RBPJ: variants seen among roughly 807,000 people sequenced by gnomAD.
RBPJ encodes recombining binding protein suppressor of hairless.
RBPJ carries 9 observed loss-of-function variants against 67.8 expected under a neutral mutation model. The ratio of observed to expected loss-of-function variants is 0.13; its 90% CI spans 0.08 to 0.23. RBPJ has a LOEUF of 0.23. RBPJ is among the 10% of genes least tolerant of loss of function. The pLI is 1.00. For missense variants in RBPJ, 305 were observed against 595.6 expected, an observed-to-expected ratio of 0.51 and a Z score of 5.08; for synonymous variants, 198 against 203.3, an observed-to-expected ratio of 0.97 and a Z score of 0.22.
chr4:26,253,701 G>A (rs1396694327), intron 1 of RBPJ, among the ~76,000 whole-genome samples: 1 of 148,770 alleles, frequency 6.7e-6, no homozygotes, highest in Non-Finnish European at 1.5e-5. Context: ...TCATTGAAAT[G>A]TCAATATCTA....
intron 1 of RBPJ, among the ~76,000 whole-genome samples, chr4:26,339,887 C>T (rs900655153): frequency 2.0e-5 from 3 of 151,836 alleles, no homozygotes; most frequent in Non-Finnish European, 4.4e-5. Context: ...GGCATGATGG[C>T]GGTTGCCTGT....
At chr4:26,159,667 G>A (rs906402870), upstream of RBPJ, among the ~76,000 whole-genome samples, 2 of 152,174 alleles carry the variant, frequency 1.3e-5, no homozygotes, top group African/African-American at 4.8e-5. Context: ...ATTTCCAAGA[G>A]GAAGATATAG....
At chr4:26,163,419 T>G (rs1198644948), upstream of RBPJ, 3 of 152,120 alleles carry the variant, frequency 2.0e-5, no homozygotes, top group Non-Finnish European at 4.4e-5. Context: ...TCTGCATTTT[T>G]TCCCTTAGAG....
chr4:26,226,308 G>GA (rs1185428295), intron 1 of RBPJ, among the ~76,000 whole-genome samples: 2 of 151,706 alleles, frequency 1.3e-5, no homozygotes, highest in East Asian at 3.9e-4. Flanking sequence ...CTACAAAAAA[G>GA]AAAAAAAATT....
chr4:26,286,824 C>T (rs1223890755), intron 1 of RBPJ, among the ~76,000 whole-genome samples: 1 of 148,308 alleles, frequency 6.7e-6, no homozygotes, highest in Non-Finnish European at 1.5e-5. Flanking sequence ...CTCCCTCCGT[C>T]ACCCAGGCTG....
At position 26,175,364 on chromosome 4, in the gene RBPJ, G is replaced by T. The variant is rs1478930747; in HGVS notation, c.-167+11750G>T. Among the ~76,000 whole-genome samples, 3 of 151,886 alleles carry T rather than the reference G, an allele frequency of 2.0e-5. No individual in the cohort carries two copies. In the East Asian group the frequency reaches 5.8e-4, roughly 29 times the overall value. ...CTGCCCACCTCCACCCTACAAGCTGGGGGAGCTTGAGCTGGGGGGGGGATT... is the reference window on the plus strand; with the variant it reads ...CTGCCCACCTCCACCCTACAAGCTGTGGGAGCTTGAGCTGGGGGGGGGATT... On this transcript the variant is annotated intron_variant, in intron 1 of 4. Coordinates refer to the RBPJ transcript ENST00000512351.
At chr4:26,215,915 G>A (rs1718709796) in intron 1 of RBPJ, among the ~76,000 whole-genome samples, 1 of 152,182 alleles carries the variant, frequency 6.6e-6, no homozygotes, top group African/African-American at 2.4e-5. Context: ...TAGGGCTGAT[G>A]TAACAAATTA....
chr4:26,368,486 G>C (rs1208306589), intron 1 of RBPJ, among the ~76,000 whole-genome samples: 1 of 152,040 alleles, frequency 6.6e-6, no homozygotes, highest in Non-Finnish European at 1.5e-5. Context: ...GTTTTGTGTT[G>C]TCTCTCTGTG....
At chr4:26,386,559 A>G (rs897680569) in intron 2 of RBPJ, among the ~76,000 whole-genome samples, 168 bp downstream of exon 2, 10 of 152,120 alleles carry the variant, frequency 6.6e-5, no homozygotes, top group Admixed American at 2.0e-4. Flanking sequence ...CCCGTCCCTC[A>G]CCAAAAACAG....
At chr4:26,345,264 C>G (rs566243861) in intron 1 of RBPJ, among the ~76,000 whole-genome samples, 2 of 152,300 alleles carry the variant, frequency 1.3e-5, no homozygotes, top group East Asian at 3.9e-4. Flanking sequence ...CTAGAGATCT[C>G]TTTGTGTAAC....
chr4:26,128,940 G>A, the RBPJ span, among the ~76,000 whole-genome samples: 1 of 152,186 alleles, frequency 6.6e-6, no homozygotes, highest in African/African-American at 2.4e-5. Context: ...CTTCTGCCAT[G>A]ATTGTAAGGC....
At chr4:26,216,521 C>T (rs1718727179) in intron 1 of RBPJ, among the ~76,000 whole-genome samples, 2 of 151,994 alleles carry the variant, frequency 1.3e-5, no homozygotes, top group Non-Finnish European at 1.5e-5. Context: ...CAAGGTGAAG[C>T]CAGAGGGGTG....
chr4:26,317,732 T>C (rs1330752353), upstream of RBPJ, among the ~76,000 whole-genome samples: 2 of 152,182 alleles, frequency 1.3e-5, no homozygotes, highest in African/African-American at 4.8e-5. Flanking sequence ...CGTCCAATTG[T>C]ATCTTGGGTG....
the RBPJ span, among the ~76,000 whole-genome samples, chr4:26,106,914 A>T: frequency 1.3e-5 from 2 of 152,224 alleles, no homozygotes; most frequent in African/African-American, 4.8e-5. Flanking sequence ...GGTTTCCAGG[A>T]GCTGACTGAC....
chr4:26,386,527 C>G, intron 2 of RBPJ, 136 bp downstream of exon 2: 1 of 570,576 alleles, frequency 1.8e-6, no homozygotes, highest in Non-Finnish European at 3.0e-6. Flanking sequence ...TATTCTCAAA[C>G]TTCCTTTCCC....
At chr4:26,108,929 T>C in the RBPJ span, among the ~76,000 whole-genome samples, 1 of 152,068 alleles carries the variant, frequency 6.6e-6, no homozygotes, top group African/African-American at 2.4e-5. Flanking sequence ...CTTCTGGGGA[T>C]AAAAGACACT....
chr4:26,327,729 C>G (rs1243378900), intron 1 of RBPJ, among the ~76,000 whole-genome samples: 1 of 151,794 alleles, frequency 6.6e-6, no homozygotes, highest in African/African-American at 2.4e-5. Flanking sequence ...CCTGTAATCC[C>G]AGCACTTTGG....
the RBPJ span, among the ~76,000 whole-genome samples, chr4:26,109,456 CTCTCTATATATATATATATA>C: frequency 1.1e-4 from 2 of 18,670 alleles, no homozygotes; most frequent in South Asian, 1.4e-3. Flanking sequence ...CTCTCTCTCT[CTCTCTATATATATATATATA>C]TATATATATA....
chr4:26,259,744 G>T (rs1720466924), intron 1 of RBPJ, among the ~76,000 whole-genome samples: 1 of 152,074 alleles, frequency 6.6e-6, no homozygotes, highest in Non-Finnish European at 1.5e-5. Context: ...GTTAACCATT[G>T]GTCCTCTTCA....
Sources: gnomAD v4.1 joint callset for allele counts (sites outside exome capture counted in the v4.1 genomes callset) on GRCh38, gnomAD v4.1.1 for gene constraint, MANE v1.5 for transcripts, NCBI Gene and HGNC (gene_info 2026-07-23, HGNC 2026-07-21) for gene names.